Variants in ANO3 observed in about 807,000 individuals in gnomAD.
The protein encoded by ANO3 is anoctamin 3.
A neutral mutation model predicts 144.8 loss-of-function variants in ANO3; 99 were observed. That is an observed-to-expected ratio of 0.68 (90% CI 0.58 to 0.81). The LOEUF (loss-of-function observed/expected upper bound fraction) is 0.81. Among genes scored for constraint, ANO3 ranks in the 30% least tolerant of loss-of-function variants. ANO3 has a pLI of 0.00. For missense variants in ANO3, 905 were observed against 1,202.2 expected (o/e 0.75, Z 3.66); for synonymous variants, 414 against 392.6 (o/e 1.05, Z -0.64).
At chr11:26,485,431 A>G (rs1435494028) in intron 4 of ANO3, among the ~76,000 whole-genome samples, 1 of 151,938 alleles carries the variant, frequency 6.6e-6, no homozygotes, top group Non-Finnish European at 1.5e-5. Flanking sequence ...CATATAAGTC[A>G]TGACTCCTTC....
chr11:26,280,073 A>T (rs539351174), intron 1 of ANO3, among the ~76,000 whole-genome samples: 2 of 152,256 alleles, frequency 1.3e-5, no homozygotes, highest in East Asian at 3.9e-4. Context: ...ATCTTCTCCA[A>T]TTGTTAACTC....
chr11:26,266,432 A>AT (rs201955022), intron 1 of ANO3, among the ~76,000 whole-genome samples: 14,364 of 134,210 alleles, frequency 0.11, 1,230 homozygotes, highest in African/African-American at 0.22. Context: ...AACAAATGTA[A>AT]TTTTTTTTTT....
At chr11:26,241,449 C>A (rs530671966) in intron 1 of ANO3, among the ~76,000 whole-genome samples, 1 of 152,288 alleles carries the variant, frequency 6.6e-6, no homozygotes, top group South Asian at 2.1e-4. Context: ...TCATAAAATT[C>A]TTACTTTCTT....
chr11:26,378,037 A>G (rs563884146), intron 1 of ANO3, among the ~76,000 whole-genome samples: 3 of 152,190 alleles, frequency 2.0e-5, no homozygotes, highest in African/African-American at 7.2e-5. Context: ...ATTTGAGGAC[A>G]GTATAAAGCA....
At chr11:26,646,375 C>T (rs975426995) in intron 23 of ANO3, among the ~76,000 whole-genome samples, 5 of 151,932 alleles carry the variant, frequency 3.3e-5, no homozygotes, top group African/African-American at 1.2e-4. Flanking sequence ...TAGTACATAT[C>T]ATATATATGT....
chr11:26,349,352 C>G (rs2133910166), intron 1 of ANO3, among the ~76,000 whole-genome samples: 1 of 152,198 alleles, frequency 6.6e-6, no homozygotes, highest in East Asian at 1.9e-4. Context: ...ATGCCTTAAA[C>G]TTGTGCAAAT....
At position 26,624,585 on chromosome 11, in the gene ANO3, T is replaced by C; in HGVS notation, c.1873+87T>C. The C allele has an allele frequency of 3.2e-6, 3 of 930,504 alleles. No individual in the cohort carries two copies. In the South Asian group the frequency reaches 4.5e-5, roughly 14 times the overall value. 57.6% of individuals were successfully genotyped at this position (930,504 alleles called of 1,614,324 possible). A position where few individuals can be genotyped will look rare whatever the true frequency, so the allele number is the denominator to read the frequency against. On this transcript the variant is annotated intron_variant, in intron 18 of 26. Coordinates refer to ENST00000256737, the MANE Select transcript of ANO3 (RefSeq NM_031418.4). ...GTAGTTACTTTATATAATGTAGCAT[T>C]TTAATAACTGCAATTATTTAAGTAT...
chr11:26,470,777 A>G (rs1859752769), intron 4 of ANO3, among the ~76,000 whole-genome samples: 1 of 151,998 alleles, frequency 6.6e-6, no homozygotes, highest in South Asian at 2.1e-4. Context: ...GTAAAATTCA[A>G]AGGACATAAA....
At chr11:26,522,649 T>C (rs1862129270) in intron 6 of ANO3, among the ~76,000 whole-genome samples, 1 of 152,214 alleles carries the variant, frequency 6.6e-6, no homozygotes. Context: ...CGTTCATTTA[T>C]ACAGAAGAAT....
chr11:26,610,935 A>T (rs1032502978), intron 17 of ANO3, among the ~76,000 whole-genome samples: 3 of 152,098 alleles, frequency 2.0e-5, no homozygotes, highest in African/African-American at 4.8e-5. Context: ...ATAATTGTTC[A>T]TCATAGTCTC....
intron 16 of ANO3, 27 bp downstream of exon 16, chr11:26,599,025 T>C: frequency 6.2e-7 from 1 of 1,607,280 alleles, no homozygotes; most frequent in Non-Finnish European, 8.5e-7. Context: ...GATATCAAAA[T>C]GTTTTGGGAT....
chr11:26,501,140 T>C (rs1221546803), intron 4 of ANO3, among the ~76,000 whole-genome samples: 2 of 152,222 alleles, frequency 1.3e-5, no homozygotes, highest in African/African-American at 4.8e-5. Flanking sequence ...ACACAGATAC[T>C]TGGCCTTATG....
intron 1 of ANO3, among the ~76,000 whole-genome samples, chr11:26,311,929 C>T (rs1316983396): frequency 6.6e-6 from 1 of 152,090 alleles, no homozygotes; most frequent in Non-Finnish European, 1.5e-5. Context: ...ATACATGTGC[C>T]ACGTTGGTGT....
chr11:26,393,671 A>G (rs1410194106), intron 1 of ANO3, among the ~76,000 whole-genome samples: 1 of 152,194 alleles, frequency 6.6e-6, no homozygotes, highest in African/African-American at 2.4e-5. Flanking sequence ...GAAGGTATTC[A>G]GTACTTTTAC....
intron 1 of ANO3, among the ~76,000 whole-genome samples, chr11:26,248,895 T>C (rs1291650217): frequency 6.6e-6 from 1 of 152,132 alleles, no homozygotes; most frequent in Non-Finnish European, 1.5e-5. Flanking sequence ...TATATTCAAA[T>C]AGGAATTCGA....
Position 26,561,208 on chromosome 11 carries a change from C to A in ANO3, c.1447+1429C>A, listed in dbSNP as rs752451213. 3.1e-6 allele frequency: 5 copies of A among 1,607,632 alleles called. No individual in the cohort carries two copies. In the African/African-American group the frequency reaches 5.4e-5, roughly 17 times the overall value. ...AAACTCACATCATAAGGTTCCGGTG[C>A]ATTGTCTAATCGCAGAACTAAAAAA... On this transcript the variant is annotated intron_variant, in intron 14 of 26. Transcript: ENST00000256737.
chr11:26,330,331 T>C (rs1855005057), upstream of ANO3, among the ~76,000 whole-genome samples: 1 of 152,168 alleles, frequency 6.6e-6, no homozygotes, highest in East Asian at 1.9e-4. Context: ...AATGCCCTCA[T>C]CTATACAATA....
At chr11:26,246,817 C>T (rs1407564082) in intron 1 of ANO3, among the ~76,000 whole-genome samples, 3 of 151,948 alleles carry the variant, frequency 2.0e-5, no homozygotes, top group African/African-American at 7.3e-5. Context: ...AAAGGCAGTT[C>T]CCCTGTCCAA....
intron 1 of ANO3, among the ~76,000 whole-genome samples, chr11:26,340,375 A>G (rs1855325037): frequency 6.6e-6 from 1 of 152,126 alleles, no homozygotes; most frequent in South Asian, 2.1e-4. Flanking sequence ...CTCCATCACT[A>G]CCTGATATCT....
Sources: gnomAD v4.1 joint callset for allele counts (sites outside exome capture counted in the v4.1 genomes callset) on GRCh38, gnomAD v4.1.1 for gene constraint, MANE v1.5 for transcripts, NCBI Gene and HGNC (gene_info 2026-07-23, HGNC 2026-07-21) for gene names.